ZBTB38: variants seen among roughly 807,000 people sequenced by gnomAD.
The protein encoded by ZBTB38 is zinc finger and BTB domain containing 38, also known as zinc finger and BTB domain-containing protein 38.
A neutral mutation model predicts 76.8 loss-of-function variants in ZBTB38; 20 were observed. The ratio of observed to expected loss-of-function variants is 0.26; its 90% CI spans 0.18 to 0.38. ZBTB38 has a LOEUF of 0.38. ZBTB38 is among the 10% of genes least tolerant of loss of function. ZBTB38 has a pLI of 1.00. For synonymous variants in ZBTB38, 504 were observed against 544.2 expected (o/e 0.93, Z 1.03); for missense variants, 1,082 against 1,482.3 (o/e 0.73, Z 4.43).
intron 1 of ZBTB38, among the ~76,000 whole-genome samples, chr3:141,369,513 C>G (rs185599062): frequency 6.6e-6 from 1 of 152,264 alleles, no homozygotes; most frequent in East Asian, 1.9e-4. Context: ...AAGTTCCTAC[C>G]CAAGAAAGTT....
At chr3:141,350,214 C>T (rs1348949439) in intron 1 of ZBTB38, among the ~76,000 whole-genome samples, 1 of 152,166 alleles carries the variant, frequency 6.6e-6, no homozygotes, top group African/African-American at 2.4e-5. Flanking sequence ...TCCTCTATGA[C>T]ATTTGTAGTC....
rs1235603828 is a variant in ZBTB38, at chr3:141,444,910, T to C, written c.2522T>C (p.Val841Ala). ...GTTGCACCCCTTTGCCAAATAACAG[T>C]GAAAATTGGAAACGAAGCCATTGTG... is the stretch of plus-strand genomic sequence containing the variant. ...SNVAPLCQITVKIGNEAIVKR... is the reference protein window; with the variant it reads ...SNVAPLCQITAKIGNEAIVKR... The change falls in exon 6 of 6, where the codon GTG becomes GCG. Residue 841 changes from valine to alanine, a missense_variant. Coordinates refer to ENST00000321464, the MANE Select transcript of ZBTB38 (RefSeq NM_001376113.1). The surrounding 1 kb of genome is among the most constrained non-coding windows in gnomAD (Gnocchi z 5.1). The C allele has an allele frequency of 6.2e-7, 1 of 1,613,734 alleles. No homozygotes were observed. The highest frequency in any genetic ancestry group is 8.5e-7 in the Non-Finnish European group (1 of 1,179,966).
intron 1 of ZBTB38, among the ~76,000 whole-genome samples, chr3:141,347,731 T>C (rs977724432): frequency 4.6e-5 from 7 of 152,264 alleles, no homozygotes; most frequent in African/African-American, 1.4e-4. Context: ...AGCAGAGGCC[T>C]GGCTCCAGTT....
At position 141,445,154 on chromosome 3, in the gene ZBTB38, C is replaced by T. The variant is rs776223784; in HGVS notation, c.2766C>T (p.Tyr922=). The T allele has an allele frequency of 1.9e-6, 3 of 1,613,874 alleles. No homozygotes were observed. Among genetic ancestry groups the T allele is most frequent in the East Asian group, 4.5e-5 (2 of 44,878 alleles). Residue 922 remains tyrosine, a synonymous_variant, in exon 6 of 6, where the codon TAC becomes TAT. Coordinates refer to ENST00000321464, the MANE Select transcript of ZBTB38 (RefSeq NM_001376113.1). This position sits in a 1 kb window ranked among gnomAD's most constrained non-coding sequence, Gnocchi z 6.5. ...AACCGTGGCGCCCTTACTACAACTA[C>T]AAACCCAAAAAGAAATCCAGACAGT... ...TDKPWRPYYN[Y]KPKKKSRQLK...
At chr3:141,372,769 T>C (rs929917330) in intron 2 of ZBTB38, among the ~76,000 whole-genome samples, 1 of 152,116 alleles carries the variant, frequency 6.6e-6, no homozygotes, top group Non-Finnish European at 1.5e-5. Flanking sequence ...CAAATGGGGA[T>C]GATGTGTTGC....
At chr3:141,395,472 G>T (rs1025505117) in intron 4 of ZBTB38, among the ~76,000 whole-genome samples, 3 of 152,116 alleles carry the variant, frequency 2.0e-5, no homozygotes, top group African/African-American at 7.2e-5. Flanking sequence ...TAAATCAATG[G>T]CCTTCTATAC....
At chr3:141,412,946 C>G (rs1957150537) in intron 5 of ZBTB38, among the ~76,000 whole-genome samples, 1 of 152,176 alleles carries the variant, frequency 6.6e-6, no homozygotes, top group Admixed American at 6.5e-5. Flanking sequence ...CTCTGCCAAG[C>G]GCCTGCGTCT....
In ZBTB38 at chr3:141,445,931, C is replaced by T. The variant is rs1257728365; in HGVS notation, c.3543C>T (p.Asp1181=). The change falls in exon 6 of 6, where the codon GAC becomes GAT. Residue 1181 remains aspartate (D), a synonymous_variant. Coordinates refer to ENST00000321464, the MANE Select transcript of ZBTB38 (RefSeq NM_001376113.1). The surrounding 1 kb of genome is among the most constrained non-coding windows in gnomAD (Gnocchi z 6.5). ...NQHFIGSEDN[D]QKDNIQTGVE... is the part of the protein sequence containing the mutation. ...ATTTCATTGGTTCAGAAGACAATGA[C>T]CAAAAGGATAACATACAAACCGGTG... 3 of 1,603,858 alleles carry T rather than the reference C, an allele frequency of 1.9e-6. No individual in the cohort carries two copies. The highest frequency in any genetic ancestry group is 2.2e-5 in the South Asian group (2 of 91,060).
At chr3:141,434,488 T>A (rs143547183) in intron 5 of ZBTB38, among the ~76,000 whole-genome samples, 4 of 152,326 alleles carry the variant, frequency 2.6e-5, no homozygotes, top group African/African-American at 9.6e-5. Flanking sequence ...CTGTGCTGTT[T>A]CAGTCTTTGA....
intron 1 of ZBTB38, among the ~76,000 whole-genome samples, chr3:141,341,556 G>A (rs1421695321): frequency 6.6e-6 from 1 of 152,206 alleles, no homozygotes; most frequent in Non-Finnish European, 1.5e-5. Context: ...AGAATGGAGA[G>A]CCAAGGGCAG....
intron 3 of ZBTB38, among the ~76,000 whole-genome samples, chr3:141,382,242 A>G (rs907497452): frequency 1.3e-5 from 2 of 152,196 alleles, no homozygotes; most frequent in African/African-American, 4.8e-5. Flanking sequence ...CCAAACAAAC[A>G]AAAGAGAACA....
At chr3:141,439,949 C>T (rs535773011) in intron 5 of ZBTB38, among the ~76,000 whole-genome samples, 34 of 152,332 alleles carry the variant, frequency 2.2e-4, no homozygotes, top group Admixed American at 1.4e-3. Flanking sequence ...GCAAAGTATG[C>T]TATTGATCTG....
chr3:141,366,873 T>C (rs1473896479), upstream of ZBTB38: 1 of 152,234 alleles, frequency 6.6e-6, no homozygotes, highest in African/African-American at 2.4e-5. Context: ...AGGGAGAAGC[T>C]ACCTCGTAGG....
chr3:141,341,695 A>G (rs1346559198), intron 1 of ZBTB38, among the ~76,000 whole-genome samples: 2 of 152,248 alleles, frequency 1.3e-5, no homozygotes, highest in African/African-American at 4.8e-5. Context: ...AAAGTCTTCC[A>G]AGAAGGAACT....
At chr3:141,430,651 G>A (rs764385338) in intron 5 of ZBTB38, among the ~76,000 whole-genome samples, 41 of 152,216 alleles carry the variant, frequency 2.7e-4, no homozygotes, top group Non-Finnish European at 5.4e-4. Flanking sequence ...GTGCAGAGGG[G>A]CAGGGAGTGG....
At chr3:141,342,093 A>T (rs1943211466) in intron 1 of ZBTB38, among the ~76,000 whole-genome samples, 1 of 152,180 alleles carries the variant, frequency 6.6e-6, no homozygotes, top group Admixed American at 6.5e-5. Flanking sequence ...TTGAGAGGCC[A>T]AGGCAGGTGG....
chr3:141,340,276 T>TTGTATTTTTGTATTTGTATTTG (rs1431285126), intron 1 of ZBTB38, among the ~76,000 whole-genome samples: 28 of 152,222 alleles, frequency 1.8e-4, no homozygotes, highest in Non-Finnish European at 3.7e-4. Flanking sequence ...TTCTTCCTTT[T>TTGTATTTTTGTATTTGTATTTG]TATTTGTATT....
At chr3:141,383,667 A>G (rs544417149) in intron 3 of ZBTB38, 1 of 152,196 alleles carries the variant, frequency 6.6e-6, no homozygotes, top group Non-Finnish European at 1.5e-5. Context: ...CAGGACTGCA[A>G]AGAAAATTAG....
Position 141,386,957 on chromosome 3 carries a change from C to T in ZBTB38, c.-106+20C>T, listed in dbSNP as rs1234355120. 1 of 152,718 alleles carries T rather than the reference C, an allele frequency of 6.5e-6. No individual in the cohort carries two copies. Among genetic ancestry groups the T allele is most frequent in the African/African-American group, 2.4e-5 (1 of 41,438 alleles). The allele number at this position is 152,718 out of a possible 1,614,324, so 9.5% of individuals were successfully genotyped here. ...TTTAAGGTGAGCTGTCCCTTGCCTC[C>T]TCCTTCCCCAGTGCTCGTGTGCTGC... is the stretch of plus-strand genomic sequence containing the variant. On this transcript the variant is annotated intron_variant, in intron 4 of 5. Transcript: ENST00000321464.
Sources: gnomAD v4.1 joint callset for allele counts (sites outside exome capture counted in the v4.1 genomes callset) on GRCh38, gnomAD v4.1.1 for gene constraint, Gnocchi (gnomAD v3.1) non-coding constraint, MANE v1.5 for transcripts, NCBI Gene and HGNC (gene_info 2026-07-23, HGNC 2026-07-21) for gene names.